The following CD300LF variants were observed in gnomAD, a reference collection of about 807,000 sequenced individuals.
The protein encoded by CD300LF is CMRF35-like molecule 1.
In CD300LF, 27 loss-of-function variants were observed where a neutral mutation model predicts 32.2. That is an observed-to-expected ratio of 0.84 (90% CI 0.62 to 1.15). The LOEUF (loss-of-function observed/expected upper bound fraction) is 1.15, where lower values mean the gene tolerates loss of function less well. CD300LF is among the 50% of genes most tolerant of loss of function. The probability of loss-of-function intolerance (pLI) is 0.00; values close to 1 mark genes in which losing one functional copy is unlikely to be tolerated. For synonymous variants in CD300LF, 139 were observed against 143.2 expected (o/e 0.97, Z 0.21); for missense variants, 348 against 356.8 (o/e 0.98, Z 0.20).
At chr17:74,706,070 A>G (rs1451161826) in intron 1 of CD300LF, among the ~76,000 whole-genome samples, 1 of 152,140 alleles carries the variant, frequency 6.6e-6, no homozygotes, top group Non-Finnish European at 1.5e-5. Context: ...AAAGATGGGA[A>G]CAACAGGCAG....
chr17:74,696,552 T>G (rs2032496911), intron 4 of CD300LF, among the ~76,000 whole-genome samples: 1 of 152,220 alleles, frequency 6.6e-6, no homozygotes, highest in Non-Finnish European at 1.5e-5. Flanking sequence ...CAACTCGGCC[T>G]GGAATTCCAC....
At chr17:74,695,329 G>T in intron 6 of CD300LF, 78 bp from the exon 7 acceptor site, 1 of 1,539,916 alleles carries the variant, frequency 6.5e-7, no homozygotes, top group Non-Finnish European at 8.9e-7. Flanking sequence ...CTCGGAGGAG[G>T]ATAGTGGGGA....
In CD300LF at chr17:74,695,027, G is replaced by C. The variant is rs2032290592; in HGVS notation, c.*69C>G. 4.1e-5 allele frequency: 62 copies of C among 1,521,860 alleles called. No individual in the cohort carries two copies. Among genetic ancestry groups the C allele is most frequent in the Non-Finnish European group, 5.5e-5 (62 of 1,123,314 alleles). 94.3% of individuals were successfully genotyped at this position (1,521,860 alleles called of 1,614,324 possible). A position where few individuals can be genotyped will look rare whatever the true frequency, so the allele number is the denominator to read the frequency against. ...GGGTTGGTCCTGATGAGGGGAGCAG[G>C]GGGCAGACGGTCGATGAGGCAGGAG... On this transcript the variant is annotated 3_prime_UTR_variant, in exon 7 of 7. Coordinates refer to ENST00000326165, the MANE Select transcript of CD300LF (RefSeq NM_139018.5).
In CD300LF at chr17:74,704,724, A is replaced by G. The variant is rs1386603094; in HGVS notation, c.136T>C (p.Trp46Arg). 1.2e-6 allele frequency: 2 copies of G among 1,614,074 alleles called. No individual in the cohort carries two copies. The highest frequency in any genetic ancestry group is 1.7e-6 in the Non-Finnish European group (2 of 1,180,040). Residue 46 changes from tryptophan to arginine, a missense_variant, in exon 2 of 7, where the codon TGG becomes CGG. Physicochemically the swap from Trp to Arg is moderately radical, Grantham distance 101 (BLOSUM62 -3). Coordinates refer to ENST00000326165, the MANE Select transcript of CD300LF (RefSeq NM_139018.5). The stretch of plus-strand genomic sequence containing the variant: ...CACCACCACTTCAAGTAGGTCTCCC[A>G]GCCTGATCTGTAAACACACTGCACG... ...LTVQCVYRSG[W>R]ETYLKWWCRG...
chr17:74,698,654 T>C (rs1345248157), intron 3 of CD300LF, 173 bp from the exon 4 acceptor site: 13 of 1,440,740 alleles, frequency 9.0e-6, no homozygotes, highest in Non-Finnish European at 1.2e-5. Context: ...TTACAATGAG[T>C]ACACATAGAC....
In CD300LF at chr17:74,704,564, A is replaced by C; in HGVS notation, c.296T>G (p.Met99Arg). 1 of 1,614,178 alleles carries C rather than the reference A, an allele frequency of 6.2e-7. No individual in the cohort carries two copies. Among genetic ancestry groups the C allele is most frequent in the South Asian group, 1.1e-5 (1 of 91,084 alleles). ...CCAGTAAGTGTCAGCATCAGTTTTCATGAGATCCTCCATGGTCACAGTGAA... is the reference window on the plus strand; with the variant it reads ...CCAGTAAGTGTCAGCATCAGTTTTCCTGAGATCCTCCATGGTCACAGTGAA... The part of the protein sequence containing the change: ...RTFTVTMEDL[M>R]KTDADTYWCG... Residue 99 changes from methionine (M) to arginine (R), a missense_variant, in exon 2 of 7, where the codon ATG becomes AGG. Met to Arg is a moderately conservative substitution (Grantham distance 91, BLOSUM62 -1). Transcript: ENST00000326165.
chr17:74,698,683 C>T, intron 3 of CD300LF: 1 of 1,318,572 alleles, frequency 7.6e-7, no homozygotes, highest in Non-Finnish European at 1.0e-6. Flanking sequence ...GGGAATGGAA[C>T]AAGAGACACC....
Position 74,712,153 on chromosome 17 carries a change from C to T in CD300LF, c.43+671G>A, listed in dbSNP as rs527337317. Among the ~76,000 whole-genome samples the T allele has an allele frequency of 2.0e-5, 3 of 152,162 alleles. No homozygotes were observed. The South Asian group carries it at 6.2e-4, about 32-fold the overall frequency. On this transcript the variant is annotated intron_variant, in intron 1 of 6. Transcript: ENST00000326165. ...TCTCGAATCCCTGAGCTCAAGCAAT[C>T]AGCCTCCCAAAGTGCTGGGATTACA...
chr17:74,705,490 C>A, intron 1 of CD300LF: 1 of 478,518 alleles, frequency 2.1e-6, no homozygotes, highest in Non-Finnish European at 3.8e-6. Flanking sequence ...TATTTGTCCA[C>A]CTTTCTGCCA....
chr17:74,696,311 G>A, intron 4 of CD300LF, 94 bp from the exon 5 acceptor site: 1 of 1,342,946 alleles, frequency 7.4e-7, no homozygotes, highest in Non-Finnish European at 1.0e-6. Flanking sequence ...GAAGAAAAGA[G>A]GTGAATTGGG....
In CD300LF at chr17:74,696,198, C is replaced by T. The variant is rs757701830; in HGVS notation, c.579G>A (p.Glu193=). The part of the protein sequence containing the change: ...YQQKAAGMSP[E]QVLQPLEGDL... The stretch of plus-strand genomic sequence containing the variant: ...CCGACCTTGGGGGCTATCTTACCTG[C>T]TCTGGGGACATCCCGGCTGCTAAAA... The change falls in exon 5 of 7, where the codon GAG becomes GAA. Residue 193 remains glutamate (E), a synonymous_variant. Transcript: ENST00000326165. 6.2e-7 allele frequency: 1 copy of T among 1,607,376 alleles called. No homozygotes were observed. Among genetic ancestry groups the T allele is most frequent in the South Asian group, 1.1e-5 (1 of 90,178 alleles).
At chr17:74,711,194 A>G (rs1208439151) in intron 1 of CD300LF, among the ~76,000 whole-genome samples, 1 of 152,138 alleles carries the variant, frequency 6.6e-6, no homozygotes, top group Non-Finnish European at 1.5e-5. Context: ...AGAGGCTGGC[A>G]AGAGCTGATG....
intron 2 of CD300LF, 94 bp from the exon 3 acceptor site, chr17:74,703,192 A>G (rs1275087419): frequency 6.7e-7 from 1 of 1,495,900 alleles, no homozygotes; most frequent in South Asian, 1.1e-5. Context: ...GCCCCTGCCC[A>G]TGAGCCCACC....
intron 1 of CD300LF, among the ~76,000 whole-genome samples, chr17:74,709,688 C>T (rs965467721): frequency 1.3e-5 from 2 of 151,944 alleles, no homozygotes; most frequent in African/African-American, 4.8e-5. Context: ...GCTGTAACCT[C>T]TTATGTAGCT....
rs111264686 is a variant in CD300LF at position 74,706,685 on chromosome 17, A to G, written c.44-1869T>C. On this transcript the variant is annotated intron_variant, in intron 1 of 6. Transcript: ENST00000326165. ...CTCCATCTCAAAAACAAAACAAAAC[A>G]AAACAAAAACCAGCAGTTCAAGCAC... is the stretch of plus-strand genomic sequence containing the variant. Among the ~76,000 whole-genome samples the G allele has an allele frequency of 2.5e-3, 379 of 152,254 alleles. 1 individual carries two copies. The highest frequency in any genetic ancestry group is 8.2e-3 in the African/African-American group (339 of 41,532).
intron 1 of CD300LF, among the ~76,000 whole-genome samples, chr17:74,705,598 T>G (rs963836984): frequency 1.3e-5 from 2 of 152,178 alleles, no homozygotes; most frequent in African/African-American, 4.8e-5. Flanking sequence ...TCTTTTTTTC[T>G]TTTGAAACAG....
At position 74,704,499 on chromosome 17, in the gene CD300LF, C is replaced by T. The variant is rs766247582; in HGVS notation, c.361G>A (p.Val121Ile). 6 of 1,612,944 alleles carry T rather than the reference C, an allele frequency of 3.7e-6. No individual in the cohort carries two copies. The South Asian group carries it at 6.6e-5, about 18-fold the overall frequency. The change falls in exon 2 of 7, where the codon GTT becomes ATT. Residue 121 changes from valine (V) to isoleucine (I), a missense_variant. Val to Ile is a conservative substitution (Grantham distance 29). Coordinates refer to ENST00000326165, the MANE Select transcript of CD300LF (RefSeq NM_139018.5). ...TTACCTGGGTCAATGGTCACTTGAA[C>T]TGTGACCCCAAGGTCATTTCCAGTT... ...EKTGNDLGVTVQVTIDPAPVT... is the reference protein window; with the variant it reads ...EKTGNDLGVTIQVTIDPAPVT...
chr17:74,701,896 A>G (rs1332582782), intron 3 of CD300LF, among the ~76,000 whole-genome samples: 2 of 151,152 alleles, frequency 1.3e-5, no homozygotes, highest in African/African-American at 4.9e-5. Flanking sequence ...GTGGGCGACT[A>G]TAGTTCCCCC....
At chr17:74,698,736 A>T in intron 3 of CD300LF, 1 of 786,564 alleles carries the variant, frequency 1.3e-6, no homozygotes, top group South Asian at 2.2e-5. Context: ...GCAAAGAATC[A>T]AAAAACTACA....
Sources: gnomAD v4.1 joint callset for allele counts (sites outside exome capture counted in the v4.1 genomes callset) on GRCh38, gnomAD v4.1.1 for gene constraint, MANE v1.5 for transcripts, NCBI Gene and HGNC (gene_info 2026-07-23, HGNC 2026-07-21) for gene names.